The following CSMD1 variants were observed in gnomAD, a reference collection of about 807,000 sequenced individuals.
CSMD1 encodes the protein CUB and Sushi multiple domains 1, also known as CUB and sushi domain-containing protein 1.
A neutral mutation model predicts 417.5 loss-of-function variants in CSMD1; 213 were observed. The ratio of observed to expected loss-of-function variants is 0.51; its 90% CI spans 0.46 to 0.57. CSMD1 has a LOEUF of 0.57. Among genes scored for constraint, CSMD1 ranks in the 20% least tolerant of loss-of-function variants. The pLI is 0.00. For synonymous variants in CSMD1, 2,862 were observed against 1,736.8 expected (o/e 1.65, Z -16.11); for missense variants, 6,923 against 4,529.7 (o/e 1.53, Z -15.17).
chr8:4,756,086 T>C (rs1054564761), intron 1 of CSMD1, among the ~76,000 whole-genome samples: 2 of 152,226 alleles, frequency 1.3e-5, no homozygotes, highest in African/African-American at 4.8e-5. Context: ...CTTTATTCTA[T>C]GTATGTTCCA....
intron 5 of CSMD1, among the ~76,000 whole-genome samples, chr8:3,993,013 G>A (rs1419554209): frequency 1.3e-5 from 2 of 152,204 alleles, no homozygotes; most frequent in Non-Finnish European, 2.9e-5. Flanking sequence ...AAAACCAAAT[G>A]CTCTGTGGGT....
chr8:4,305,954 A>C (rs896132663), intron 3 of CSMD1, among the ~76,000 whole-genome samples: 2 of 152,142 alleles, frequency 1.3e-5, no homozygotes, highest in African/African-American at 4.8e-5. Flanking sequence ...TTGCAGGGTA[A>C]CTTTCATACT....
At chr8:2,978,123 A>G (rs1182977613) in intron 55 of CSMD1, among the ~76,000 whole-genome samples, 1 of 152,182 alleles carries the variant, frequency 6.6e-6, no homozygotes, top group African/African-American at 2.4e-5. Flanking sequence ...CATGGACTGT[A>G]CCAGGAATGC....
At chr8:3,143,713 T>C (rs1412583252) in intron 40 of CSMD1, among the ~76,000 whole-genome samples, 1 of 152,220 alleles carries the variant, frequency 6.6e-6, no homozygotes, top group Non-Finnish European at 1.5e-5. Flanking sequence ...AAGAAAGCTT[T>C]ACTCTGCATG....
At chr8:3,047,960 T>C (rs73488448) in intron 50 of CSMD1, among the ~76,000 whole-genome samples, 6,079 of 152,280 alleles carry the variant, frequency 0.04, 409 homozygotes, top group African/African-American at 0.14. Context: ...AACTTGACGG[T>C]GATAGACTGA....
intron 5 of CSMD1, among the ~76,000 whole-genome samples, chr8:3,857,771 G>C (rs1019195338): frequency 1.3e-5 from 2 of 152,184 alleles, no homozygotes; most frequent in South Asian, 2.1e-4. Flanking sequence ...AATGTGAAGA[G>C]AGATGCAATG....
chr8:3,756,983 T>C (rs567802765), intron 5 of CSMD1, among the ~76,000 whole-genome samples: 20 of 152,154 alleles, frequency 1.3e-4, no homozygotes, highest in Non-Finnish European at 2.4e-4. Context: ...TAATTTTTTG[T>C]AGAGACTGGG....
chr8:4,000,551 C>G (rs1815587565), intron 4 of CSMD1, among the ~76,000 whole-genome samples: 1 of 152,180 alleles, frequency 6.6e-6, no homozygotes, highest in Non-Finnish European at 1.5e-5. Context: ...AGGTTAACAA[C>G]TAAAAGTGAC....
At chr8:3,565,574 T>C (rs527748556) in intron 10 of CSMD1, among the ~76,000 whole-genome samples, 6 of 152,350 alleles carry the variant, frequency 3.9e-5, no homozygotes, top group African/African-American at 1.4e-4. Flanking sequence ...TGCAAGTGAA[T>C]GCCTCTTCTT....
At chr8:3,569,009 T>C (rs1161168930) in intron 10 of CSMD1, among the ~76,000 whole-genome samples, 2 of 152,040 alleles carry the variant, frequency 1.3e-5, no homozygotes, top group Non-Finnish European at 1.5e-5. Flanking sequence ...TCATCAAGAG[T>C]TCTGAAAATA....
At chr8:4,574,553 G>T (rs1563300245) in intron 2 of CSMD1, among the ~76,000 whole-genome samples, 1 of 152,124 alleles carries the variant, frequency 6.6e-6, no homozygotes, top group Non-Finnish European at 1.5e-5. Flanking sequence ...GCTGCAGACG[G>T]GAGCTGTTCC....
At chr8:4,869,801 G>C (rs1802629690) in intron 1 of CSMD1, among the ~76,000 whole-genome samples, 2 of 152,086 alleles carry the variant, frequency 1.3e-5, no homozygotes, top group African/African-American at 4.8e-5. Context: ...TTTATTGTCT[G>C]CCTGATGTTA....
intron 1 of CSMD1, among the ~76,000 whole-genome samples, chr8:4,663,685 T>C (rs1361516687): frequency 1.3e-5 from 2 of 152,182 alleles, no homozygotes; most frequent in South Asian, 2.1e-4. Context: ...ATGCTTCCGG[T>C]CCAGCCTACA....
At chr8:3,287,132 G>A (rs571107627) in intron 25 of CSMD1, among the ~76,000 whole-genome samples, 6 of 151,516 alleles carry the variant, frequency 4.0e-5, no homozygotes, top group South Asian at 2.1e-4. Flanking sequence ...TCAGATAGTT[G>A]TAGATATGCA....
chr8:2,951,211 T>C lies in CSMD1; in HGVS notation c.10104A>G (p.Arg3368=). 2 of 1,611,342 alleles carry C rather than the reference T, an allele frequency of 1.2e-6. No individual in the cohort carries two copies. Among genetic ancestry groups the C allele is most frequent in the Non-Finnish European group, 1.7e-6 (2 of 1,178,634 alleles). Reference sequence around the variant, plus strand: ...AGTCAACAGTTAGAGTGGCGGGTTGTCTTTTCCCTAAATATTCATAATACC... The same window carrying C: ...AGTCAACAGTTAGAGTGGCGGGTTGCCTTTTCCCTAAATATTCATAATACC... ...WKGYYEYLGK[R]QPATLTVDWF... The change falls in exon 66 of 70, where the codon AGA becomes AGG. Residue 3368 remains arginine, a synonymous_variant. Coordinates refer to ENST00000635120, the MANE Select transcript of CSMD1 (RefSeq NM_033225.6).
chr8:4,388,981 A>T (rs1357683514), intron 3 of CSMD1, among the ~76,000 whole-genome samples: 1 of 152,210 alleles, frequency 6.6e-6, no homozygotes, highest in African/African-American at 2.4e-5. Context: ...CTTGTAACAT[A>T]ACATGTTCTT....
intron 3 of CSMD1, among the ~76,000 whole-genome samples, chr8:4,324,698 G>A (rs1284365953): frequency 6.6e-6 from 1 of 152,168 alleles, no homozygotes; most frequent in Non-Finnish European, 1.5e-5. Flanking sequence ...AATCCAATTT[G>A]CCCTGTTTTC....
At position 3,654,399 on chromosome 8, in the gene CSMD1, A is replaced by G. The variant is rs77427918; in HGVS notation, c.1010-37602T>C. Among the ~76,000 whole-genome samples the G allele has an allele frequency of 3.2e-3, 489 of 152,310 alleles. 3 individuals are homozygous for G. The highest frequency in any genetic ancestry group is 0.011 in the African/African-American group (458 of 41,568). ...GACTGCGTATAAATAGCAGAGATGT[A>G]AAGTACCCTTTGGTGTAGTCCACAT... is the stretch of plus-strand genomic sequence containing the variant. On this transcript the variant is annotated intron_variant, in intron 7 of 69. Transcript: ENST00000635120.
At chr8:3,256,376 C>A (rs933760474) in intron 26 of CSMD1, among the ~76,000 whole-genome samples, 2 of 151,180 alleles carry the variant, frequency 1.3e-5, no homozygotes, top group Admixed American at 1.3e-4. Flanking sequence ...ACTGTTGTAA[C>A]AATGGCAGTA....
Sources: allele counts gnomAD v4.1 joint callset (sites outside exome capture counted in the v4.1 genomes callset), GRCh38; gene constraint gnomAD v4.1.1; transcripts MANE v1.5; gene names NCBI Gene and HGNC (gene_info 2026-07-23, HGNC 2026-07-21).